The following TULP2 variants were observed in gnomAD, a reference collection of about 807,000 sequenced individuals.
TULP2 encodes the protein TUB like protein 2, also known as tubby-related protein 2.
TULP2 carries 64 observed loss-of-function variants against 60.3 expected under a neutral mutation model. The ratio of observed to expected loss-of-function variants is 1.06; its 90% CI spans 0.87 to 1.31. TULP2 has a LOEUF of 1.31. Among genes scored for constraint, TULP2 ranks in the 50% most tolerant of loss-of-function variants. The pLI is 0.00. For missense variants in TULP2, 652 were observed against 667.0 expected, an observed-to-expected ratio of 0.98 and a Z score of 0.25; for synonymous variants, 267 against 265.4, an observed-to-expected ratio of 1.01 and a Z score of -0.06.
chr19:48,887,197 G>C (rs1271142333), intron 8 of TULP2, among the ~76,000 whole-genome samples: 2 of 150,542 alleles, frequency 1.3e-5, no homozygotes, highest in African/African-American at 4.9e-5. Context: ...TTTTTTAGTA[G>C]AGACGATGTT....
At position 48,897,217 on chromosome 19, in the gene TULP2, T is replaced by A; in HGVS notation, c.84+128A>T. On this transcript the variant is annotated intron_variant, in intron 3 of 12. Coordinates refer to ENST00000221399, the MANE Select transcript of TULP2 (RefSeq NM_003323.3). The surrounding 1 kb of genome is among the most constrained non-coding windows in gnomAD (Gnocchi z 4.0). ...AAATTCCTATTTTCTCATTTCTCAG[T>A]GGGAAAACTCAAGGATGAGAGACAG... 3 of 1,045,872 alleles carry A rather than the reference T, an allele frequency of 2.9e-6. No homozygotes were observed. Among genetic ancestry groups the A allele is most frequent in the Non-Finnish European group, 4.3e-6 (3 of 693,756 alleles). 64.8% of individuals were successfully genotyped at this position (1,045,872 alleles called of 1,614,324 possible). A position where few individuals can be genotyped will look rare whatever the true frequency, so the allele number is the denominator to read the frequency against.
At chr19:48,892,534 T>C (rs7255322) in intron 6 of TULP2, among the ~76,000 whole-genome samples, 30,434 of 150,474 alleles carry the variant, frequency 0.2, 4,258 homozygotes, top group African/African-American at 0.4. Context: ...GACGGAGTCT[T>C]GCTCTGTCAC....
At chr19:48,887,608 A>G (rs554438593) in intron 8 of TULP2, among the ~76,000 whole-genome samples, 37 of 151,766 alleles carry the variant, frequency 2.4e-4, no homozygotes, top group African/African-American at 8.5e-4. Flanking sequence ...CCTAGGCTGG[A>G]GTGCAGTGAT....
intron 6 of TULP2, 73 bp downstream of exon 6, chr19:48,894,925 T>C: frequency 6.6e-7 from 1 of 1,520,000 alleles, no homozygotes. Flanking sequence ...GTGAAGCTGC[T>C]GCCTAAGAAA....
At chr19:48,891,037 G>A (rs545433626) in intron 6 of TULP2, among the ~76,000 whole-genome samples, 27 of 152,128 alleles carry the variant, frequency 1.8e-4, no homozygotes, top group Non-Finnish European at 2.6e-4. Flanking sequence ...TTTTATGGCC[G>A]GGCACGGTGG....
chr19:48,894,977 C>T (rs908044629), intron 6 of TULP2, 21 bp downstream of exon 6: 2 of 1,601,598 alleles, frequency 1.2e-6, no homozygotes, highest in Non-Finnish European at 1.7e-6. Context: ...CCAGGTTTCA[C>T]CCCAATGTCC....
Position 48,891,161 on chromosome 19 carries a change from A to C in TULP2, c.515-1530T>G, listed in dbSNP as rs546745486. ...AACCCCGTCTCTACTAAAAATACAA[A>C]AAAAAAAAAAAAATTAGCCGGGTGT... On this transcript the variant is annotated intron_variant, in intron 6 of 12. Transcript: ENST00000221399. Among the ~76,000 whole-genome samples the C allele has an allele frequency of 2.7e-5, 4 of 146,880 alleles. No individual in the cohort carries two copies. The East Asian group carries it at 5.9e-4, about 22-fold the overall frequency.
At chr19:48,889,383 T>C (rs1392611835) in intron 7 of TULP2, 127 bp downstream of exon 7, 37 of 1,462,546 alleles carry the variant, frequency 2.5e-5, no homozygotes, top group Non-Finnish European at 3.3e-5. Context: ...CACAAGTCTC[T>C]GCCAGCTTAA....
In TULP2 at chr19:48,897,957, T is replaced by TTATG. The variant is rs906912660; in HGVS notation, c.-1-89_-1-88insCATA. 13 of 860,050 alleles carry TTATG rather than the reference T, an allele frequency of 1.5e-5. No homozygotes were observed. In the South Asian group the frequency reaches 3.6e-4, roughly 24 times the overall value. 53.3% of individuals were successfully genotyped at this position (860,050 alleles called of 1,614,324 possible). On this transcript the variant is annotated intron_variant, in intron 1 of 12. Transcript: ENST00000221399. The surrounding 1 kb of genome is among the most constrained non-coding windows in gnomAD (Gnocchi z 4.0). ...GCACCTAATCTTTAGCCTTATTTATTTATTTATTTATTTATTTATTTATGT... is the reference window on the plus strand; with the variant it reads ...GCACCTAATCTTTAGCCTTATTTATTTATGTATTTATTTATTTATTTATTTATGT...
intron 9 of TULP2, among the ~76,000 whole-genome samples, chr19:48,884,675 CAGG>C (rs1367001579): frequency 2.0e-5 from 3 of 151,284 alleles, no homozygotes; most frequent in Admixed American, 6.6e-5. Flanking sequence ...GAGGCTGAGG[CAGG>C]AGAATTGCTT....
At position 48,897,838 on chromosome 19, in the gene TULP2, C is replaced by G. The variant is rs115772362; in HGVS notation, c.31G>C (p.Asp11His). 1.3e-3 allele frequency: 2,108 copies of G among 1,613,816 alleles called. 22 individuals carry two copies. The African/African-American group carries it at 0.023, about 18-fold the overall frequency. The change falls in exon 2 of 13, where the codon GAC becomes CAC. Residue 11 changes from aspartate to histidine, a missense_variant and splice_region_variant. Coordinates refer to ENST00000221399, the MANE Select transcript of TULP2 (RefSeq NM_003323.3). This position sits in a 1 kb window ranked among gnomAD's most constrained non-coding sequence, Gnocchi z 4.0. ...CTACCCATCTGTTTCCCTACTCACT[C>G]TCTCATCAATGTGTCATTATCCTGA... MSQDNDTLMR[D>H]ILGHELAAMR...
chr19:48,895,198 A>T, intron 5 of TULP2, 36 bp from the exon 6 acceptor site: 1 of 1,606,476 alleles, frequency 6.2e-7, no homozygotes, highest in Non-Finnish European at 8.5e-7. Context: ...GGATTTCTGG[A>T]TGCTGCAGGA....
intron 7 of TULP2, 94 bp from the exon 8 acceptor site, chr19:48,888,355 TG>T (rs1438112450): frequency 7.6e-7 from 1 of 1,318,752 alleles, no homozygotes; most frequent in Non-Finnish European, 1.0e-6. Context: ...GTCCCGCCCT[TG>T]CCCATCCACA....
At position 48,897,468 on chromosome 19, in the gene TULP2, C is replaced by T. The variant is rs1600035497; in HGVS notation, c.33-72G>A. 1 of 1,499,154 alleles carries T rather than the reference C, an allele frequency of 6.7e-7. No homozygotes were observed. Among genetic ancestry groups the T allele is most frequent in the Non-Finnish European group, 9.2e-7 (1 of 1,088,118 alleles). The allele number at this position is 1,499,154 out of a possible 1,614,324, so 92.9% of individuals were successfully genotyped here. ...TTGCCCAAGAGAGTCCCTCCTTCCC[C>T]CATCCTGCCCCTATCTCAGCTTGGG... On this transcript the variant is annotated intron_variant, in intron 2 of 12. Transcript: ENST00000221399. The surrounding 1 kb of genome is among the most constrained non-coding windows in gnomAD (Gnocchi z 4.0).
chr19:48,882,909 G>C (rs1016494858), intron 11 of TULP2, among the ~76,000 whole-genome samples: 10 of 152,110 alleles, frequency 6.6e-5, no homozygotes, highest in African/African-American at 2.4e-4. Flanking sequence ...ACAGGTCTTT[G>C]AATAAATTTT....
In TULP2 at chr19:48,881,005, C is replaced by T. The variant is rs1052698955; in HGVS notation, c.*6G>A. ...GTATTTTATTGAGTTATTCAACAGC[C>T]AGCTTCTAATTGAAACTGGACAAGC... On this transcript the variant is annotated 3_prime_UTR_variant, in exon 13 of 13. Transcript: ENST00000221399. 1.2e-6 allele frequency: 2 copies of T among 1,610,996 alleles called. No homozygotes were observed. The highest frequency in any genetic ancestry group is 4.5e-5 in the East Asian group (2 of 44,834).
rs547949028 is a variant in TULP2, at chr19:48,893,135, C to T, written c.514+1863G>A. 4.6e-5 allele frequency among the ~76,000 whole-genome samples: 7 copies of T among 151,956 alleles called. No homozygotes were observed. In the East Asian group the frequency reaches 9.8e-4, roughly 21 times the overall value. On this transcript the variant is annotated intron_variant, in intron 6 of 12. Coordinates refer to ENST00000221399, the MANE Select transcript of TULP2 (RefSeq NM_003323.3). ...CTGTAATCCCAGCACTTTGGGAGGC[C>T]GAGGCAGGCAGATCACAAGTTCAGG...
chr19:48,888,193 G>T lies in TULP2; in HGVS notation c.705C>A (p.Asn235Lys), dbSNP rs751277906. The change falls in exon 8 of 13, where the codon AAC becomes AAA. Residue 235 changes from asparagine to lysine, a missense_variant. By Grantham distance (94) the Asn-to-Lys change is moderately conservative (BLOSUM62 0). Coordinates refer to ENST00000221399, the MANE Select transcript of TULP2 (RefSeq NM_003323.3). The part of the protein sequence containing the change: ...STGTNSSAAH[N>K]EELSKALKGE... ...CTTTCAGGGCCTTGGACAACTCTTC[G>T]TTGTGTGCTGCTGAGGAGTTCGTCC... The T allele has an allele frequency of 1.8e-5, 29 of 1,614,108 alleles. No individual in the cohort carries two copies. Among genetic ancestry groups the T allele is most frequent in the Non-Finnish European group, 2.5e-5 (29 of 1,179,984 alleles).
rs374273955 is a variant in TULP2, at chr19:48,884,050, C to T, written c.1062-4G>A. The T allele has an allele frequency of 1.6e-5, 26 of 1,611,886 alleles. No homozygotes were observed. In the African/African-American group the frequency reaches 3.5e-4, roughly 22 times the overall value. Reference sequence around the variant, plus strand: ...CTTGGTGCTGAAGACATTGGATCTGCTCCAGGAAGGGAATGGATAGAATAA... The same window carrying T: ...CTTGGTGCTGAAGACATTGGATCTGTTCCAGGAAGGGAATGGATAGAATAA... On this transcript the variant is annotated splice_region_variant and splice_polypyrimidine_tract_variant and intron_variant, in intron 9 of 12. Transcript: ENST00000221399.
Sources: gnomAD v4.1 joint callset for allele counts (sites outside exome capture counted in the v4.1 genomes callset) on GRCh38, gnomAD v4.1.1 for gene constraint, Gnocchi (gnomAD v3.1) non-coding constraint, MANE v1.5 for transcripts, NCBI Gene and HGNC (gene_info 2026-07-23, HGNC 2026-07-21) for gene names.